The following ATP8B4 variants were observed in gnomAD, a reference collection of about 807,000 sequenced individuals.
ATP8B4 encodes probable phospholipid-transporting ATPase IM.
Under a neutral mutation model 145.6 loss-of-function variants are expected in ATP8B4, and 133 were observed. That is an observed-to-expected ratio of 0.91 (90% CI 0.79 to 1.05). The LOEUF (loss-of-function observed/expected upper bound fraction) is 1.05, where lower values mean the gene tolerates loss of function less well. Ranked by LOEUF, ATP8B4 falls within the 50% of genes least tolerant of loss-of-function variation. The pLI, the probability that ATP8B4 is intolerant of heterozygous loss-of-function variation, is 0.00. For synonymous variants in ATP8B4, 507 were observed against 492.9 expected, an observed-to-expected ratio of 1.03 and a Z score of -0.38; for missense variants, 1,458 against 1,425.2, an observed-to-expected ratio of 1.02 and a Z score of -0.37.
At chr15:49,940,878 C>T (rs2042112031) in intron 14 of ATP8B4, among the ~76,000 whole-genome samples, 2 of 152,088 alleles carry the variant, frequency 1.3e-5, no homozygotes, top group East Asian at 1.9e-4. Context: ...TTGACTTGTT[C>T]ATCACAGCAT....
intron 2 of ATP8B4, among the ~76,000 whole-genome samples, chr15:50,097,706 T>C (rs1033186114): frequency 1.3e-5 from 2 of 152,182 alleles, no homozygotes; most frequent in South Asian, 2.1e-4. Flanking sequence ...CCTCAGTAAA[T>C]AGGAAACCCA....
chr15:49,876,428 C>A lies in ATP8B4; in HGVS notation c.2877G>T (p.Val959=). The A allele has an allele frequency of 6.2e-7, 1 of 1,614,072 alleles. No individual in the cohort carries two copies. Among genetic ancestry groups the A allele is most frequent in the South Asian group, 1.1e-5 (1 of 91,084 alleles). Residue 959 remains valine, a synonymous_variant, in exon 25 of 28, where the codon GTG becomes GTT. Transcript: ENST00000284509. ...CTAATGAGGTGTAGATTCCATGCAA[C>A]ACGCAAATGAAAAATTTACGCTTGT... is the stretch of plus-strand genomic sequence containing the variant. The part of the protein sequence containing the change: ...LFNKRKFFIC[V]LHGIYTSLVL...
At chr15:49,940,445 C>T (rs1185667374) in intron 14 of ATP8B4, among the ~76,000 whole-genome samples, 1 of 152,124 alleles carries the variant, frequency 6.6e-6, no homozygotes, top group African/African-American at 2.4e-5. Flanking sequence ...CTATTCAGTA[C>T]TATGTTCACT....
At chr15:49,924,864 AG>A (rs961247897) in intron 16 of ATP8B4, among the ~76,000 whole-genome samples, 2 of 152,118 alleles carry the variant, frequency 1.3e-5, no homozygotes, top group African/African-American at 2.4e-5. Context: ...TTGTTAAACC[AG>A]GGGGGGAAAC....
Position 49,923,370 on chromosome 15 carries a change from G to T in ATP8B4, c.1758+9C>A. On this transcript the variant is annotated intron_variant, in intron 17 of 27. Coordinates refer to ENST00000284509, the MANE Select transcript of ATP8B4 (RefSeq NM_024837.4). ...GCCATTGTGCTAACCTTAAGACGGAGGCACTTACACTGAGGTGGTCTGACG... is the reference window on the plus strand; with the variant it reads ...GCCATTGTGCTAACCTTAAGACGGATGCACTTACACTGAGGTGGTCTGACG... 2 of 1,582,172 alleles carry T rather than the reference G, an allele frequency of 1.3e-6. No homozygotes were observed. The highest frequency in any genetic ancestry group is 3.4e-5 in the Admixed American group (2 of 59,410).
intron 1 of ATP8B4, among the ~76,000 whole-genome samples, chr15:50,109,958 T>C (rs931977300): frequency 3.3e-5 from 5 of 152,212 alleles, no homozygotes; most frequent in Non-Finnish European, 7.3e-5. Flanking sequence ...TATTCTTCCA[T>C]ATTCTTCCTA....
At chr15:50,077,075 TC>T (rs1333156548) in intron 2 of ATP8B4, among the ~76,000 whole-genome samples, 1 of 152,178 alleles carries the variant, frequency 6.6e-6, no homozygotes. Flanking sequence ...ATGGGATCCT[TC>T]CATATGTAAG....
chr15:49,894,449 G>A lies in ATP8B4; in HGVS notation c.2697+2843C>T, dbSNP rs557811003. On this transcript the variant is annotated intron_variant, in intron 23 of 27. Coordinates refer to ENST00000284509, the MANE Select transcript of ATP8B4 (RefSeq NM_024837.4). ...TTTTATATGGTGATTGCTCCTCTGC[G>A]TAAAAAAAGGTATCCTGCCCTATTT... is the stretch of plus-strand genomic sequence containing the variant. Among the ~76,000 whole-genome samples, 11 of 152,078 alleles carry A rather than the reference G, an allele frequency of 7.2e-5. No homozygotes were observed. The South Asian group carries it at 1.5e-3, about 20-fold the overall frequency.
rs140652436 is a variant in ATP8B4, at chr15:50,149,703, T to G, written c.-43+32558A>C. On this transcript the variant is annotated intron_variant, in intron 1 of 3. Coordinates refer to the ATP8B4 transcript ENST00000558829. The stretch of plus-strand genomic sequence containing the variant: ...ACTCTCTAAAAATAAATGATATGTA[T>G]TTGGGAATAAGGCATTGCAGTGGGA... Among the ~76,000 whole-genome samples the G allele has an allele frequency of 7.1e-3, 1,083 of 152,304 alleles. 19 individuals carry two copies. The highest frequency in any genetic ancestry group is 0.025 in the African/African-American group (1,019 of 41,556).
chr15:50,094,962 A>G (rs1462077753), intron 2 of ATP8B4, among the ~76,000 whole-genome samples: 1 of 152,074 alleles, frequency 6.6e-6, no homozygotes, highest in African/African-American at 2.4e-5. Flanking sequence ...TTCCAAGTTA[A>G]GTCAGACTAC....
At chr15:50,043,541 G>T (rs2051472691) in intron 5 of ATP8B4, among the ~76,000 whole-genome samples, 1 of 151,998 alleles carries the variant, frequency 6.6e-6, no homozygotes, top group Admixed American at 6.6e-5. Context: ...TAAACATGAA[G>T]ATGACAAGAA....
In ATP8B4 at chr15:49,859,510, A is replaced by G. The variant is rs2031246501; in HGVS notation, c.*684T>C. 2 of 152,332 alleles carry G rather than the reference A, an allele frequency of 1.3e-5. No individual in the cohort carries two copies. Among genetic ancestry groups the G allele is most frequent in the South Asian group, 4.1e-4 (2 of 4,826 alleles). 9.4% of individuals were successfully genotyped at this position (152,332 alleles called of 1,614,324 possible). On this transcript the variant is annotated 3_prime_UTR_variant, in exon 28 of 28. Coordinates refer to ENST00000284509, the MANE Select transcript of ATP8B4 (RefSeq NM_024837.4). ...GCATGTCCTTACATGACACAGACTG[A>G]GAGCTTTTTGAATAAATTTGATCAA...
At chr15:50,001,994 C>T (rs2047930066) in intron 8 of ATP8B4, among the ~76,000 whole-genome samples, 159 bp downstream of exon 8, 1 of 152,274 alleles carries the variant, frequency 6.6e-6, no homozygotes, top group Admixed American at 6.5e-5. Flanking sequence ...AGAGAAAAAA[C>T]AGTTTCAAAA....
intron 1 of ATP8B4, among the ~76,000 whole-genome samples, chr15:50,137,806 C>G (rs928997178): frequency 7.2e-5 from 11 of 152,252 alleles, no homozygotes; most frequent in African/African-American, 2.6e-4. Context: ...CTGATCATCA[C>G]AGAGAGGAGT....
At chr15:49,918,732 A>C in intron 19 of ATP8B4, 107 bp downstream of exon 19, 1 of 766,996 alleles carries the variant, frequency 1.3e-6, no homozygotes, top group Non-Finnish European at 2.1e-6. Flanking sequence ...CCTATGTGGA[A>C]GATTGGGTGA....
chr15:50,069,170 T>C (rs923948562), intron 3 of ATP8B4, among the ~76,000 whole-genome samples: 3 of 152,240 alleles, frequency 2.0e-5, no homozygotes, highest in African/African-American at 7.2e-5. Context: ...AATCCCATTT[T>C]GTCTTACACA....
chr15:49,900,495 T>C (rs1258359540), intron 21 of ATP8B4, among the ~76,000 whole-genome samples: 1 of 152,134 alleles, frequency 6.6e-6, no homozygotes, highest in Non-Finnish European at 1.5e-5. Flanking sequence ...CTCAGAAGAG[T>C]ATTTTCATGT....
chr15:50,001,665 G>C (rs2047904166), intron 8 of ATP8B4, among the ~76,000 whole-genome samples: 1 of 152,168 alleles, frequency 6.6e-6, no homozygotes, highest in African/African-American at 2.4e-5. Context: ...CTCTGAAACA[G>C]AACTGCTATA....
At chr15:50,157,256 G>T (rs950043534) in intron 1 of ATP8B4, among the ~76,000 whole-genome samples, 4 of 152,050 alleles carry the variant, frequency 2.6e-5, no homozygotes, top group Admixed American at 6.5e-5. Flanking sequence ...ATATAGAGTG[G>T]CCTCATAACC....
Sources: gnomAD v4.1 joint callset for allele counts (sites outside exome capture counted in the v4.1 genomes callset) on GRCh38, gnomAD v4.1.1 for gene constraint, MANE v1.5 for transcripts, NCBI Gene and HGNC (gene_info 2026-07-23, HGNC 2026-07-21) for gene names.